The following SPIDR variants were observed in gnomAD, a reference collection of about 807,000 sequenced individuals.
The protein encoded by SPIDR is scaffold protein involved in DNA repair, also known as DNA repair-scaffolding protein.
In SPIDR, 93 loss-of-function variants were observed where a neutral mutation model predicts 104.6. The ratio of observed to expected loss-of-function variants is 0.89; its 90% CI spans 0.75 to 1.06. The LOEUF is 1.06. SPIDR is among the 50% of genes least tolerant of loss of function. SPIDR has a pLI of 0.00. For synonymous variants in SPIDR, 431 were observed against 416.9 expected (o/e 1.03, Z -0.41); for missense variants, 1,154 against 1,111.2 (o/e 1.04, Z -0.55).
chr8:47,321,303 GAGAA>G (rs142687613), intron 5 of SPIDR, among the ~76,000 whole-genome samples: 5,311 of 152,236 alleles, frequency 0.035, 154 homozygotes, highest in Middle Eastern at 0.085. Context: ...ACCAATAACA[GAGAA>G]AGAGAGAGCC....
intron 11 of SPIDR, among the ~76,000 whole-genome samples, chr8:47,681,541 C>T (rs2077101963): frequency 6.6e-6 from 1 of 152,120 alleles, no homozygotes; most frequent in South Asian, 2.1e-4. Flanking sequence ...ATTATTTTTA[C>T]TAGTGAGTCT....
chr8:47,334,388 T>C (rs1434100891), intron 5 of SPIDR, among the ~76,000 whole-genome samples: 1 of 152,228 alleles, frequency 6.6e-6, no homozygotes, highest in Non-Finnish European at 1.5e-5. Context: ...ATTATGATAG[T>C]GGACTAATTT....
intron 7 of SPIDR, among the ~76,000 whole-genome samples, chr8:47,418,568 G>A (rs137933673): frequency 0.022 from 3,296 of 152,246 alleles, 93 homozygotes; most frequent in East Asian, 0.081. Context: ...TCTGCAAACA[G>A]GGACAATTTG....
At chr8:47,588,443 T>G (rs2060570292) in intron 8 of SPIDR, among the ~76,000 whole-genome samples, 1 of 152,132 alleles carries the variant, frequency 6.6e-6, no homozygotes, top group Admixed American at 6.5e-5. Context: ...TCTTCAACCT[T>G]GCTTAATAGT....
At chr8:47,488,549 A>T (rs1474829233) in intron 8 of SPIDR, among the ~76,000 whole-genome samples, 1 of 152,178 alleles carries the variant, frequency 6.6e-6, no homozygotes, top group African/African-American at 2.4e-5. Context: ...GACACACAAA[A>T]AAAGACAATT....
At chr8:47,488,727 A>AT (rs1449833943) in intron 8 of SPIDR, among the ~76,000 whole-genome samples, 1 of 152,250 alleles carries the variant, frequency 6.6e-6, no homozygotes, top group Non-Finnish European at 1.5e-5. Context: ...AATCCAGCAT[A>AT]TAAACGGAAC....
intron 7 of SPIDR, among the ~76,000 whole-genome samples, chr8:47,427,319 A>C (rs1351641970): frequency 6.7e-6 from 1 of 149,432 alleles, no homozygotes; most frequent in Non-Finnish European, 1.5e-5. Context: ...TTTTTTTTTT[A>C]AATATGCCTT....
At chr8:47,608,067 T>C (rs1047058146) in intron 10 of SPIDR, among the ~76,000 whole-genome samples, 1 of 152,216 alleles carries the variant, frequency 6.6e-6, no homozygotes, top group Non-Finnish European at 1.5e-5. Flanking sequence ...TAGAACTTTC[T>C]GCAACCTCAA....
intron 5 of SPIDR, among the ~76,000 whole-genome samples, chr8:47,297,547 G>A (rs1488829138): frequency 1.3e-5 from 2 of 152,050 alleles, no homozygotes; most frequent in African/African-American, 2.4e-5. Flanking sequence ...ATGTCGGTGT[G>A]CTGCACCCAT....
chr8:47,480,019 C>G (rs1554726082), intron 8 of SPIDR, among the ~76,000 whole-genome samples: 1 of 152,172 alleles, frequency 6.6e-6, no homozygotes, highest in Admixed American at 6.5e-5. Flanking sequence ...TCATTTGAGG[C>G]TCAGGGTGAA....
intron 8 of SPIDR, among the ~76,000 whole-genome samples, chr8:47,537,836 A>G (rs1328816138): frequency 6.6e-6 from 1 of 152,182 alleles, no homozygotes; most frequent in Non-Finnish European, 1.5e-5. Context: ...TCATTTCTTC[A>G]TAAACCTAAA....
intron 5 of SPIDR, among the ~76,000 whole-genome samples, chr8:47,370,461 T>TC: frequency 6.8e-6 from 1 of 147,566 alleles, no homozygotes; most frequent in African/African-American, 2.5e-5. Context: ...TTTTTTTTTT[T>TC]TTTGAGACGG....
At chr8:47,363,355 G>A (rs1283344057) in intron 5 of SPIDR, among the ~76,000 whole-genome samples, 2 of 150,546 alleles carry the variant, frequency 1.3e-5, no homozygotes, top group South Asian at 2.1e-4. Context: ...ACAGGCGCCC[G>A]CCGCTACTCC....
intron 5 of SPIDR, among the ~76,000 whole-genome samples, chr8:47,315,438 G>T (rs2045148149): frequency 6.6e-6 from 1 of 152,102 alleles, no homozygotes; most frequent in Non-Finnish European, 1.5e-5. Flanking sequence ...TGAATATTTG[G>T]AAGTTAAACA....
chr8:47,511,508 T>C (rs779979092), intron 8 of SPIDR: 87 of 780,668 alleles, frequency 1.1e-4, no homozygotes, highest in Non-Finnish European at 1.9e-4. Context: ...CTTCTGTGGA[T>C]AGACTCCAGA....
chr8:47,616,746 A>G (rs1050656513), intron 10 of SPIDR, among the ~76,000 whole-genome samples: 7 of 152,206 alleles, frequency 4.6e-5, no homozygotes, highest in Non-Finnish European at 8.8e-5. Flanking sequence ...CTCCATACCC[A>G]GTTTCCCCTG....
intron 10 of SPIDR, among the ~76,000 whole-genome samples, chr8:47,628,104 AAAACAAAC>A (rs1264597319): frequency 2.0e-5 from 3 of 152,202 alleles, no homozygotes; most frequent in African/African-American, 7.2e-5. Flanking sequence ...TCCATCCTTA[AAAACAAAC>A]GAGAGACTCA....
At chr8:47,492,501 A>G (rs1352624547) in intron 8 of SPIDR, among the ~76,000 whole-genome samples, 1 of 152,240 alleles carries the variant, frequency 6.6e-6, no homozygotes, top group Non-Finnish European at 1.5e-5. Context: ...CCAAATTATT[A>G]GTGACAAATG....
intron 8 of SPIDR, among the ~76,000 whole-genome samples, chr8:47,579,790 CCCCGTCAGTTTGTGT>C (rs1425197394): frequency 1.3e-5 from 2 of 152,172 alleles, no homozygotes; most frequent in African/African-American, 2.4e-5. Flanking sequence ...TAGCCAACTG[CCCCGTCAGTTTGTGT>C]CCCTTCCCTT....
Sources: allele counts gnomAD v4.1 joint callset (sites outside exome capture counted in the v4.1 genomes callset), GRCh38; gene constraint gnomAD v4.1.1; transcripts MANE v1.5; gene names NCBI Gene and HGNC (gene_info 2026-07-23, HGNC 2026-07-21).